VWA3B: variants seen among roughly 807,000 people sequenced by gnomAD.
VWA3B encodes von Willebrand factor A domain-containing protein 3B.
VWA3B carries 138 observed loss-of-function variants against 158.3 expected under a neutral mutation model. That is an observed-to-expected ratio of 0.87 (90% CI 0.76 to 1.00). The LOEUF (loss-of-function observed/expected upper bound fraction) is 1.00, where lower values mean the gene tolerates loss of function less well. Among genes scored for constraint, VWA3B ranks in the 50% least tolerant of loss-of-function variants. VWA3B has a pLI of 0.00. For synonymous variants in VWA3B, 596 were observed against 587.3 expected, an observed-to-expected ratio of 1.01 and a Z score of -0.21; for missense variants, 1,555 against 1,565.1, an observed-to-expected ratio of 0.99 and a Z score of 0.11.
chr2:98,102,227 A>G (rs896880735), intron 2 of VWA3B, among the ~76,000 whole-genome samples: 4 of 152,160 alleles, frequency 2.6e-5, no homozygotes, highest in African/African-American at 7.2e-5. Context: ...AGGCAGAAGA[A>G]TTTTTCTTAA....
chr2:98,302,932 G>A (rs948049072), intron 25 of VWA3B, among the ~76,000 whole-genome samples: 4 of 152,166 alleles, frequency 2.6e-5, no homozygotes, highest in African/African-American at 7.2e-5. Context: ...CAGGGCAAGC[G>A]GAGAAGGAGT....
At chr2:98,236,504 G>A in intron 18 of VWA3B, 27 bp downstream of exon 18, 1 of 1,614,118 alleles carries the variant, frequency 6.2e-7, no homozygotes, top group Non-Finnish European at 8.5e-7. Context: ...GACAAAGACA[G>A]TTCTGTTATG....
chr2:98,110,613 T>C (rs779492801), intron 2 of VWA3B, among the ~76,000 whole-genome samples: 3 of 152,222 alleles, frequency 2.0e-5, no homozygotes, highest in Non-Finnish European at 4.4e-5. Context: ...TGGATTTAGG[T>C]GTACAAGTGC....
intron 12 of VWA3B, among the ~76,000 whole-genome samples, chr2:98,204,827 C>T (rs1329420517): frequency 1.3e-5 from 2 of 152,132 alleles, no homozygotes; most frequent in Non-Finnish European, 1.5e-5. Flanking sequence ...TTCTCTAGTG[C>T]GGCCAGGCAC....
In VWA3B at chr2:98,181,046, C is replaced by A. The variant is rs114266684; in HGVS notation, c.1145C>A (p.Ser382Ter). 6.2e-7 allele frequency: 1 copy of A among 1,614,048 alleles called. No individual in the cohort carries two copies. Among genetic ancestry groups the A allele is most frequent in the African/African-American group, 1.3e-5 (1 of 74,916 alleles). Reference protein sequence around the residue: ...ESETTSVEIASNPEDTWDSKT... With the variant: ...ESETTSVEIA ...GAAACAACCTCTGTTGAGATTGCAT[C>A]GAATCCAGAAGACACCTGGGACTCT... The change falls in exon 9 of 28, where the codon TCG (serine) becomes TAG (stop). Residue 382 changes from serine to a stop codon, truncating the protein, a stop_gained. Transcript: ENST00000477737. LOFTEE classifies it high-confidence loss of function.
intron 22 of VWA3B, among the ~76,000 whole-genome samples, chr2:98,285,766 C>T (rs1382242264): frequency 6.6e-6 from 1 of 151,658 alleles, no homozygotes; most frequent in East Asian, 1.9e-4. Flanking sequence ...GATTCAACTT[C>T]TCAATTTCTG....
In VWA3B at chr2:98,270,803, G is replaced by C; in HGVS notation, c.2965G>C (p.Ala989Pro). 2 of 1,614,152 alleles carry C rather than the reference G, an allele frequency of 1.2e-6. No homozygotes were observed. Among genetic ancestry groups the C allele is most frequent in the Non-Finnish European group, 1.7e-6 (2 of 1,179,998 alleles). Reference protein sequence around the residue: ...ELSMLESEILAGKMYIQQAME... With the variant: ...ELSMLESEILPGKMYIQQAME... ...GTCGATGCTGGAAAGTGAAATCCTA[G>C]CTGGGAAAATGTACATCCAGCAGGC... The change falls in exon 22 of 28, where the codon GCT becomes CCT. Residue 989 changes from alanine to proline, a missense_variant. Coordinates refer to ENST00000477737, the MANE Select transcript of VWA3B (RefSeq NM_144992.5).
At chr2:98,272,252 A>C (rs572023889) in intron 22 of VWA3B, among the ~76,000 whole-genome samples, 1 of 152,340 alleles carries the variant, frequency 6.6e-6, no homozygotes, top group Non-Finnish European at 1.5e-5. Flanking sequence ...TTTGAGTTTG[A>C]TTAATTTGCG....
At chr2:98,298,441 T>G (rs3066272) in intron 24 of VWA3B, among the ~76,000 whole-genome samples, 1,632 of 118,346 alleles carry the variant, frequency 0.014, 18 homozygotes, top group African/African-American at 0.027. Context: ...TCTATTCTAT[T>G]CTATGCCATG....
chr2:98,154,796 A>T (rs1450811842), intron 7 of VWA3B, among the ~76,000 whole-genome samples: 1 of 152,170 alleles, frequency 6.6e-6, no homozygotes, highest in East Asian at 1.9e-4. Flanking sequence ...CAGATTTCCG[A>T]CTGCATTTGA....
Position 98,298,847 on chromosome 2 carries a change from A to G in VWA3B, c.3282+816A>G, listed in dbSNP as rs532939129. Among the ~76,000 whole-genome samples the G allele has an allele frequency of 6.6e-5, 10 of 152,348 alleles. No homozygotes were observed. The East Asian group carries it at 1.7e-3, about 26-fold the overall frequency. ...TTTAAGTACCCCTTTTGAGGTTCCT[A>G]TGGACTACCCCTTATCTGGATGAAG... On this transcript the variant is annotated intron_variant, in intron 24 of 27. Coordinates refer to ENST00000477737, the MANE Select transcript of VWA3B (RefSeq NM_144992.5).
chr2:98,169,045 T>C (rs1013289713), intron 8 of VWA3B, among the ~76,000 whole-genome samples: 1 of 152,196 alleles, frequency 6.6e-6, no homozygotes, highest in African/African-American at 2.4e-5. Context: ...GACATTTTAA[T>C]TGGTTTGCTT....
At chr2:98,196,863 T>C (rs1682091655) in intron 12 of VWA3B, among the ~76,000 whole-genome samples, 1 of 152,220 alleles carries the variant, frequency 6.6e-6, no homozygotes. Context: ...ATTTTAGACT[T>C]ACAAAAAAGT....
intron 12 of VWA3B, among the ~76,000 whole-genome samples, chr2:98,201,514 A>G (rs1428594490): frequency 6.6e-6 from 1 of 152,176 alleles, no homozygotes; most frequent in South Asian, 2.1e-4. Context: ...GACTTTCAGT[A>G]TGATGTTTAA....
chr2:98,235,364 C>T (rs1240645757), intron 17 of VWA3B, among the ~76,000 whole-genome samples: 1 of 151,948 alleles, frequency 6.6e-6, no homozygotes, highest in Admixed American at 6.6e-5. Context: ...TGTGGCTACA[C>T]AGTCATAGTT....
intron 13 of VWA3B, among the ~76,000 whole-genome samples, chr2:98,213,343 A>G (rs1683702492): frequency 6.6e-6 from 1 of 152,176 alleles, no homozygotes; most frequent in Admixed American, 6.5e-5. Flanking sequence ...CGCCCACCCT[A>G]CCCATCTGCA....
chr2:98,114,696 C>G (rs2104930790), intron 2 of VWA3B, among the ~76,000 whole-genome samples: 1 of 152,270 alleles, frequency 6.6e-6, no homozygotes, highest in African/African-American at 2.4e-5. Flanking sequence ...CTCTGTGAAG[C>G]CTTACCTCAT....
At chr2:98,328,354 C>T in the VWA3B span, among the ~76,000 whole-genome samples, 1 of 151,988 alleles carries the variant, frequency 6.6e-6, no homozygotes, top group African/African-American at 2.4e-5. Context: ...GTCCTGGCCA[C>T]TGCAATAAGG....
chr2:98,103,289 T>C (rs1361070184), intron 2 of VWA3B, among the ~76,000 whole-genome samples: 2 of 152,208 alleles, frequency 1.3e-5, no homozygotes, highest in Non-Finnish European at 2.9e-5. Flanking sequence ...TTCACTGGTA[T>C]CTGACTTAAT....
Sources: gnomAD v4.1 joint callset for allele counts (sites outside exome capture counted in the v4.1 genomes callset) on GRCh38, gnomAD v4.1.1 for gene constraint, MANE v1.5 for transcripts, NCBI Gene and HGNC (gene_info 2026-07-23, HGNC 2026-07-21) for gene names.